SLC25A21: variants seen among roughly 807,000 people sequenced by gnomAD.
SLC25A21 encodes solute carrier family 25 member 21.
In SLC25A21, 47 loss-of-function variants were observed where a neutral mutation model predicts 43.8. The ratio of observed to expected loss-of-function variants is 1.07; its 90% CI spans 0.85 to 1.37. The LOEUF (loss-of-function observed/expected upper bound fraction) is 1.37, where lower values mean the gene tolerates loss of function less well. Among genes scored for constraint, SLC25A21 ranks in the 40% most tolerant of loss-of-function variants. The probability of loss-of-function intolerance (pLI) is 0.00; values close to 1 mark genes in which losing one functional copy is unlikely to be tolerated. For missense variants in SLC25A21, 352 were observed against 350.2 expected (o/e 1.00, Z -0.04); for synonymous variants, 131 against 121.3 (o/e 1.08, Z -0.52).
intron 1 of SLC25A21, among the ~76,000 whole-genome samples, chr14:36,992,455 C>T (rs1314149839): frequency 6.6e-6 from 1 of 152,068 alleles, no homozygotes; most frequent in Admixed American, 6.5e-5. Flanking sequence ...AAGAATAGCA[C>T]TGTTTCTTGG....
At chr14:37,170,076 G>A (rs1214311003) in intron 1 of SLC25A21, among the ~76,000 whole-genome samples, 6 of 151,474 alleles carry the variant, frequency 4.0e-5, no homozygotes, top group African/African-American at 7.3e-5. Flanking sequence ...TCGCTCTGTC[G>A]CCAGGTTGGA....
chr14:36,716,053 T>C (rs1962741), intron 6 of SLC25A21, among the ~76,000 whole-genome samples: 38,791 of 151,928 alleles, frequency 0.26, 5,087 homozygotes, highest in Middle Eastern at 0.33. Flanking sequence ...ATCGTGCCAC[T>C]GCACTCCAGC....
intron 1 of SLC25A21, among the ~76,000 whole-genome samples, chr14:36,984,476 A>G (rs1960101259): frequency 6.6e-6 from 1 of 151,964 alleles, no homozygotes; most frequent in South Asian, 2.1e-4. Flanking sequence ...AGATAAACTT[A>G]TTTTTCAAAC....
intron 7 of SLC25A21, among the ~76,000 whole-genome samples, chr14:36,692,404 A>G (rs1882829696): frequency 6.6e-6 from 1 of 152,252 alleles, no homozygotes; most frequent in Non-Finnish European, 1.5e-5. Flanking sequence ...CATATAGTCC[A>G]AACTATACAG....
chr14:36,994,973 A>G (rs2138717445), intron 1 of SLC25A21, among the ~76,000 whole-genome samples: 1 of 152,266 alleles, frequency 6.6e-6, no homozygotes, highest in African/African-American at 2.4e-5. Context: ...TATGTCTTTA[A>G]AAATAGTTAA....
chr14:37,133,903 G>C (rs375835567), intron 1 of SLC25A21, among the ~76,000 whole-genome samples: 4 of 152,112 alleles, frequency 2.6e-5, no homozygotes, highest in South Asian at 4.2e-4. Flanking sequence ...CCCTTTTCTA[G>C]GTCTCACAGT....
Position 37,015,255 on chromosome 14 carries a change from T to A in SLC25A21, c.71-140251A>T, listed in dbSNP as rs1340671057. Among the ~76,000 whole-genome samples, 4 of 136,904 alleles carry A rather than the reference T, an allele frequency of 2.9e-5. No individual in the cohort carries two copies. The East Asian group carries it at 6.6e-4, about 23-fold the overall frequency. The allele number at this position is 136,904 out of a possible 152,430, so 89.8% of individuals were successfully genotyped here. ...CCCTTCCTGTGTCCATGTGTTCTCA[T>A]TGTTCAATTCCCACCTATGAGTGAG... is the stretch of plus-strand genomic sequence containing the variant. On this transcript the variant is annotated intron_variant, in intron 1 of 9. Coordinates refer to ENST00000331299, the MANE Select transcript of SLC25A21 (RefSeq NM_030631.4).
intron 1 of SLC25A21, among the ~76,000 whole-genome samples, chr14:37,018,660 T>C (rs918707919): frequency 1.3e-5 from 2 of 151,986 alleles, no homozygotes; most frequent in Non-Finnish European, 2.9e-5. Context: ...CTATCTGATT[T>C]CTTGTCTACT....
intron 3 of SLC25A21, among the ~76,000 whole-genome samples, chr14:36,760,634 T>C (rs1886118331): frequency 6.6e-6 from 1 of 152,196 alleles, no homozygotes; most frequent in African/African-American, 2.4e-5. Flanking sequence ...CTGAAACAAA[T>C]GGTTTAGTCA....
chr14:37,125,087 C>G (rs1963274537), intron 1 of SLC25A21, among the ~76,000 whole-genome samples: 1 of 152,182 alleles, frequency 6.6e-6, no homozygotes, highest in Non-Finnish European at 1.5e-5. Context: ...AGAAAGAGCC[C>G]TGCACTAGGT....
At chr14:37,135,564 T>G (rs569565095) in intron 1 of SLC25A21, among the ~76,000 whole-genome samples, 16 of 152,224 alleles carry the variant, frequency 1.1e-4, no homozygotes, top group Admixed American at 2.0e-4. Flanking sequence ...CTGCAATTCT[T>G]GCCCTTGGCA....
Position 36,930,313 on chromosome 14 carries a change from G to T in SLC25A21, c.71-55309C>A, listed in dbSNP as rs1224335969. 2.0e-5 allele frequency among the ~76,000 whole-genome samples: 3 copies of T among 152,200 alleles called. No individual in the cohort carries two copies. The East Asian group carries it at 5.8e-4, about 29-fold the overall frequency. Reference sequence around the variant, plus strand: ...GAATGATGTTTAATATCATTCTATTGCTAAAGCCAGTAGGATTTTAAAACA... The same window carrying T: ...GAATGATGTTTAATATCATTCTATTTCTAAAGCCAGTAGGATTTTAAAACA... On this transcript the variant is annotated intron_variant, in intron 1 of 9. Transcript: ENST00000331299.
At chr14:36,870,976 C>T (rs1466129426) in intron 2 of SLC25A21, 1 of 152,144 alleles carries the variant, frequency 6.6e-6, no homozygotes, top group Non-Finnish European at 1.5e-5. Context: ...GTGAAAAGGA[C>T]ACGTGTGGTC....
intron 1 of SLC25A21, among the ~76,000 whole-genome samples, chr14:36,939,416 A>G (rs1892503164): frequency 6.6e-6 from 1 of 152,094 alleles, no homozygotes; most frequent in Admixed American, 6.6e-5. Flanking sequence ...GCTTGTTAAG[A>G]CAGCATTTTT....
chr14:36,962,716 A>T (rs1959523656), intron 1 of SLC25A21, among the ~76,000 whole-genome samples: 1 of 152,224 alleles, frequency 6.6e-6, no homozygotes, highest in Non-Finnish European at 1.5e-5. Flanking sequence ...GCCAGAAAGG[A>T]TAATAATTTA....
At chr14:37,101,193 T>C (rs1962810813) in intron 1 of SLC25A21, among the ~76,000 whole-genome samples, 1 of 152,234 alleles carries the variant, frequency 6.6e-6, no homozygotes, top group South Asian at 2.1e-4. Flanking sequence ...ATTCTGTAAT[T>C]TCTCCCAATA....
chr14:36,973,291 C>T (rs886918197), intron 1 of SLC25A21, among the ~76,000 whole-genome samples: 6 of 151,960 alleles, frequency 3.9e-5, no homozygotes, highest in Non-Finnish European at 7.4e-5. Context: ...GGTGGGGAGA[C>T]AAGTGATGTC....
At chr14:36,887,748 G>C (rs1236678667) in intron 1 of SLC25A21, among the ~76,000 whole-genome samples, 1 of 152,040 alleles carries the variant, frequency 6.6e-6, no homozygotes, top group Non-Finnish European at 1.5e-5. Flanking sequence ...TGGGGACTCT[G>C]TTTGCTTTCT....
At position 36,691,930 on chromosome 14, in the gene SLC25A21, T is replaced by A. The variant is rs993494622; in HGVS notation, c.604-7005A>T. On this transcript the variant is annotated intron_variant, in intron 7 of 9. Coordinates refer to ENST00000331299, the MANE Select transcript of SLC25A21 (RefSeq NM_030631.4). ...TGCATGCATTGACTTTATTCTGTGATAATAATATGGAAAACAATTCATGCA... is the reference window on the plus strand; with the variant it reads ...TGCATGCATTGACTTTATTCTGTGAAAATAATATGGAAAACAATTCATGCA... 3.9e-5 allele frequency among the ~76,000 whole-genome samples: 6 copies of A among 152,218 alleles called. No homozygotes were observed. In the East Asian group the frequency reaches 9.6e-4, roughly 24 times the overall value.
Sources: allele counts gnomAD v4.1 joint callset (sites outside exome capture counted in the v4.1 genomes callset), GRCh38; gene constraint gnomAD v4.1.1; transcripts MANE v1.5; gene names NCBI Gene and HGNC (gene_info 2026-07-23, HGNC 2026-07-21).